The following CELF4 variants were observed in gnomAD, a reference collection of about 807,000 sequenced individuals.
The protein encoded by CELF4 is CUGBP Elav-like family member 4.
In CELF4, 18 loss-of-function variants were observed where a neutral mutation model predicts 59.9. The observed-to-expected ratio is 0.30, with a 90% CI of 0.21 to 0.45. The LOEUF (loss-of-function observed/expected upper bound fraction) is 0.45, where lower values mean the gene tolerates loss of function less well. Among genes scored for constraint, CELF4 ranks in the 20% least tolerant of loss-of-function variants. The pLI is 1.00. For synonymous variants in CELF4, 261 were observed against 267.1 expected (o/e 0.98, Z 0.22); for missense variants, 456 against 689.0 (o/e 0.66, Z 3.79).
chr18:37,413,716 G>A (rs987003067), intron 2 of CELF4, among the ~76,000 whole-genome samples: 1 of 152,164 alleles, frequency 6.6e-6, no homozygotes, highest in Non-Finnish European at 1.5e-5. Context: ...CCACTTGACA[G>A]TGCTTTTTAC....
chr18:37,348,676 C>T (rs4799915), intron 2 of CELF4, among the ~76,000 whole-genome samples: 87,927 of 151,866 alleles, frequency 0.58, 26,989 homozygotes, highest in East Asian at 0.73. Flanking sequence ...GGTTTCTATC[C>T]TCCAAAACAA....
chr18:37,519,871 C>T (rs1214580969), intron 1 of CELF4, among the ~76,000 whole-genome samples: 1 of 152,182 alleles, frequency 6.6e-6, no homozygotes, highest in Non-Finnish European at 1.5e-5. Flanking sequence ...GGCAGTGAGG[C>T]AGGGGGCCTG....
chr18:37,249,735 G>A (rs1033807975), intron 12 of CELF4, among the ~76,000 whole-genome samples: 6 of 152,114 alleles, frequency 3.9e-5, no homozygotes, highest in African/African-American at 1.4e-4. Flanking sequence ...TGTGGCAGTG[G>A]GATCACTGAC....
intron 1 of CELF4, among the ~76,000 whole-genome samples, chr18:37,509,809 A>C (rs2099942226): frequency 6.6e-6 from 1 of 152,382 alleles, no homozygotes. Flanking sequence ...ATATCCATTC[A>C]ATGGAATATT....
At chr18:37,539,271 T>G (rs2099975924) in intron 1 of CELF4, among the ~76,000 whole-genome samples, 1 of 152,196 alleles carries the variant, frequency 6.6e-6, no homozygotes, top group Non-Finnish European at 1.5e-5. Context: ...TTATCTTTAT[T>G]TTATAAAGAG....
intron 3 of CELF4, among the ~76,000 whole-genome samples, chr18:37,299,606 C>T (rs1053070133): frequency 4.6e-5 from 7 of 152,210 alleles, no homozygotes; most frequent in African/African-American, 1.2e-4. Context: ...TCTCCTGCGG[C>T]GTGAGCACTG....
intron 2 of CELF4, among the ~76,000 whole-genome samples, chr18:37,360,668 T>C (rs2098689692): frequency 6.6e-6 from 1 of 152,204 alleles, no homozygotes; most frequent in South Asian, 2.1e-4. Flanking sequence ...ATACTCTTCA[T>C]GCCTGCAGGC....
At chr18:37,466,078 TG>T (rs2099807714) in intron 2 of CELF4, among the ~76,000 whole-genome samples, 1 of 152,340 alleles carries the variant, frequency 6.6e-6, no homozygotes, top group African/African-American at 2.4e-5. Context: ...CTAGGCCAGC[TG>T]GGATGAGGCT....
chr18:37,297,059 G>A (rs930442214), intron 3 of CELF4, among the ~76,000 whole-genome samples: 9 of 152,182 alleles, frequency 5.9e-5, no homozygotes, highest in African/African-American at 1.9e-4. Flanking sequence ...GGAGAGAAGA[G>A]GGGAGCAGGG....
At chr18:37,519,168 C>T (rs1188038544) in intron 1 of CELF4, among the ~76,000 whole-genome samples, 2 of 152,184 alleles carry the variant, frequency 1.3e-5, no homozygotes, top group African/African-American at 2.4e-5. Flanking sequence ...CTTTTCATTT[C>T]TTCCTGGATA....
At chr18:37,489,678 C>T (rs975329938) in intron 1 of CELF4, among the ~76,000 whole-genome samples, 2 of 152,236 alleles carry the variant, frequency 1.3e-5, no homozygotes, top group African/African-American at 2.4e-5. Flanking sequence ...CTATGTTGTA[C>T]TGAGTTGTCC....
At chr18:37,439,926 T>G (rs1279861941) in intron 2 of CELF4, among the ~76,000 whole-genome samples, 1 of 152,164 alleles carries the variant, frequency 6.6e-6, no homozygotes, top group African/African-American at 2.4e-5. Flanking sequence ...GAGGTAGACA[T>G]GAACACTACA....
chr18:37,277,818 C>T (rs181692168), intron 3 of CELF4, among the ~76,000 whole-genome samples: 55 of 152,200 alleles, frequency 3.6e-4, no homozygotes, highest in African/African-American at 1.3e-3. Context: ...ATTGGGTTTC[C>T]AGAAAGACTT....
At chr18:37,489,616 TG>T (rs1248992904) in intron 1 of CELF4, among the ~76,000 whole-genome samples, 1 of 151,522 alleles carries the variant, frequency 6.6e-6, no homozygotes, top group Admixed American at 6.6e-5. Flanking sequence ...GGGGGGAAGG[TG>T]GGGAGCATCA....
intron 1 of CELF4, among the ~76,000 whole-genome samples, chr18:37,518,976 A>G (rs1603643236): frequency 6.6e-6 from 1 of 152,192 alleles, no homozygotes; most frequent in East Asian, 1.9e-4. Context: ...AAAACTGATC[A>G]TGCATTCTGC....
intron 3 of CELF4, among the ~76,000 whole-genome samples, chr18:37,279,296 G>A (rs1053172263): frequency 1.2e-4 from 19 of 152,190 alleles, no homozygotes; most frequent in African/African-American, 4.6e-4. Flanking sequence ...TGAGGGGATG[G>A]GCTGAAGAGT....
intron 2 of CELF4, among the ~76,000 whole-genome samples, chr18:37,384,917 A>G (rs2099082145): frequency 6.6e-6 from 1 of 152,190 alleles, no homozygotes; most frequent in African/African-American, 2.4e-5. Flanking sequence ...ATCCCTCATT[A>G]AACTTACTAA....
At chr18:37,433,239 A>G (rs1326390259) in intron 2 of CELF4, among the ~76,000 whole-genome samples, 2 of 151,996 alleles carry the variant, frequency 1.3e-5, no homozygotes, top group Non-Finnish European at 2.9e-5. Flanking sequence ...ATTTGGGCCC[A>G]CCCCTTTTTT....
intron 2 of CELF4, among the ~76,000 whole-genome samples, chr18:37,474,424 C>A (rs2099842931): frequency 6.6e-6 from 1 of 152,188 alleles, no homozygotes; most frequent in African/African-American, 2.4e-5. Context: ...GAGTCTCCTG[C>A]CAGAAGAACC....
Sources: allele counts gnomAD v4.1 joint callset (sites outside exome capture counted in the v4.1 genomes callset), GRCh38; gene constraint gnomAD v4.1.1; transcripts MANE v1.5; gene names NCBI Gene and HGNC (gene_info 2026-07-23, HGNC 2026-07-21).